The following ATP8B4 variants were observed in gnomAD, a reference collection of about 807,000 sequenced individuals.
ATP8B4 encodes the protein probable phospholipid-transporting ATPase IM.
In ATP8B4, 133 loss-of-function variants were observed where a neutral mutation model predicts 145.6. The ratio of observed to expected loss-of-function variants is 0.91; its 90% CI spans 0.79 to 1.05. ATP8B4 has a LOEUF of 1.05. Among genes scored for constraint, ATP8B4 ranks in the 50% least tolerant of loss-of-function variants. The probability of loss-of-function intolerance (pLI) is 0.00; values close to 1 mark genes in which losing one functional copy is unlikely to be tolerated. For missense variants in ATP8B4, 1,458 were observed against 1,425.2 expected (o/e 1.02, Z -0.37); for synonymous variants, 507 against 492.9 (o/e 1.03, Z -0.38).
At chr15:49,950,097 T>C (rs2042932713) in intron 14 of ATP8B4, among the ~76,000 whole-genome samples, 1 of 152,236 alleles carries the variant, frequency 6.6e-6, no homozygotes, top group Non-Finnish European at 1.5e-5. Flanking sequence ...TCGATATTCA[T>C]CAGGGATATT....
At position 50,138,779 on chromosome 15, in the gene ATP8B4, A is replaced by G. The variant is rs115244231; in HGVS notation, c.-42-31771T>C. Among the ~76,000 whole-genome samples the G allele has an allele frequency of 3.4e-3, 524 of 152,278 alleles. 1 individual carries two copies. Among genetic ancestry groups the G allele is most frequent in the African/African-American group, 0.012 (502 of 41,554 alleles). On this transcript the variant is annotated intron_variant, in intron 1 of 3. Transcript: ENST00000558829. ...CTTTTTCTCCCTTTATTGTTCTCTT[A>G]TACCCATACAACCGCCACTTTCTCC...
At chr15:50,174,971 A>C (rs1169159038) in intron 1 of ATP8B4, among the ~76,000 whole-genome samples, 2 of 152,212 alleles carry the variant, frequency 1.3e-5, no homozygotes, top group African/African-American at 2.4e-5. Flanking sequence ...AACAGAATAG[A>C]TAACCCAGAA....
intron 19 of ATP8B4, among the ~76,000 whole-genome samples, 158 bp downstream of exon 19, chr15:49,918,681 C>A (rs965779223): frequency 6.6e-5 from 10 of 152,182 alleles, no homozygotes; most frequent in Non-Finnish European, 1.2e-4. Flanking sequence ...AAAATAGATT[C>A]TTGCAATACA....
chr15:49,919,155 A>T (rs2040020704), intron 18 of ATP8B4, among the ~76,000 whole-genome samples: 1 of 152,242 alleles, frequency 6.6e-6, no homozygotes, highest in South Asian at 2.1e-4. Context: ...AAGCCAACTT[A>T]GCAGAGATCT....
In ATP8B4 at chr15:49,879,525, G is replaced by T. The variant is rs1305316065; in HGVS notation, c.2698-66C>A. On this transcript the variant is annotated intron_variant, in intron 23 of 27. Coordinates refer to ENST00000284509, the MANE Select transcript of ATP8B4 (RefSeq NM_024837.4). ...TAGTAGTGAGAATATTCACATTTAG[G>T]TTAAATAACCAGGTTTTCTGAGGTG... The T allele has an allele frequency of 2.8e-6, 4 of 1,405,280 alleles. No individual in the cohort carries two copies. In the South Asian group the frequency reaches 3.9e-5, roughly 14 times the overall value. The allele number at this position is 1,405,280 out of a possible 1,614,324, so 87.1% of individuals were successfully genotyped here.
At chr15:50,155,686 G>A (rs1008104204) in intron 1 of ATP8B4, among the ~76,000 whole-genome samples, 11 of 152,042 alleles carry the variant, frequency 7.2e-5, no homozygotes, top group African/African-American at 1.9e-4. Context: ...AACATACAAC[G>A]TAATGTATGT....
In ATP8B4 at chr15:49,979,944, TTAA is replaced by T. The variant is rs1304213757; in HGVS notation, c.838-134_838-132del. The T allele has an allele frequency of 8.9e-6, 5 of 561,972 alleles. 1 individual carries two copies. The Middle Eastern group carries it at 1.3e-3, about 147-fold the overall frequency. 34.8% of individuals were successfully genotyped at this position (561,972 alleles called of 1,614,324 possible). ...CAAGTATGCAAACCTCTTCTTACCA[TTAA>T]TCATATGAATTACGTCAGGAACTCA... On this transcript the variant is annotated intron_variant, in intron 11 of 27. Coordinates refer to ENST00000284509, the MANE Select transcript of ATP8B4 (RefSeq NM_024837.4).
At chr15:50,126,153 A>G (rs2057305706) in intron 1 of ATP8B4, among the ~76,000 whole-genome samples, 1 of 151,858 alleles carries the variant, frequency 6.6e-6, no homozygotes, top group South Asian at 2.1e-4. Context: ...GTGTCACGGG[A>G]AACCCTCAGA....
At chr15:50,060,415 A>C (rs1279812234) in intron 3 of ATP8B4, among the ~76,000 whole-genome samples, 1 of 152,172 alleles carries the variant, frequency 6.6e-6, no homozygotes, top group East Asian at 1.9e-4. Context: ...TTTTCCCAAG[A>C]GATATTTAGA....
intron 3 of ATP8B4, among the ~76,000 whole-genome samples, chr15:50,066,802 GT>G (rs917979215): frequency 6.6e-6 from 1 of 151,952 alleles, no homozygotes; most frequent in African/African-American, 2.4e-5. Flanking sequence ...AGTTTGTGGG[GT>G]TTTTTTCTGC....
At chr15:50,112,766 T>C (rs1474133176) in intron 1 of ATP8B4, among the ~76,000 whole-genome samples, 1 of 151,964 alleles carries the variant, frequency 6.6e-6, no homozygotes. Flanking sequence ...TAAAAGTGTG[T>C]TCCCTCCATC....
At chr15:50,143,119 A>T (rs1420259798) in intron 1 of ATP8B4, among the ~76,000 whole-genome samples, 1 of 152,222 alleles carries the variant, frequency 6.6e-6, no homozygotes, top group East Asian at 1.9e-4. Flanking sequence ...ATTGAAGAGC[A>T]AGTAATTCTA....
At chr15:50,118,013 G>C (rs1462001722) in intron 1 of ATP8B4, among the ~76,000 whole-genome samples, 1 of 152,198 alleles carries the variant, frequency 6.6e-6, no homozygotes, top group African/African-American at 2.4e-5. Context: ...GGAAGAGGAA[G>C]AAGGGGGTGA....
intron 20 of ATP8B4, among the ~76,000 whole-genome samples, chr15:49,908,382 G>C (rs144610012): frequency 1.3e-5 from 2 of 152,162 alleles, no homozygotes; most frequent in African/African-American, 4.8e-5. Context: ...GTTCAAGAGA[G>C]AAGTGACAGG....
rs180734578 is a variant in ATP8B4, at chr15:49,943,583, A to T, written c.1288-9401T>A. Among the ~76,000 whole-genome samples, 99 of 152,308 alleles carry T rather than the reference A, an allele frequency of 6.5e-4. 1 individual carries two copies. Among genetic ancestry groups the T allele is most frequent in the African/African-American group, 2.3e-3 (97 of 41,576 alleles). On this transcript the variant is annotated intron_variant, in intron 14 of 27. Transcript: ENST00000284509. ...GGGACAATATTTTCAAAGGACTGAA[A>T]AAAACATCTGCCAACAAAGAATAAC...
intron 7 of ATP8B4, among the ~76,000 whole-genome samples, chr15:50,003,675 C>T (rs2048085908): frequency 6.6e-6 from 1 of 152,170 alleles, no homozygotes; most frequent in African/African-American, 2.4e-5. Context: ...CACCTCTCCT[C>T]CCCTGGGCTT....
At chr15:49,860,613 TAAG>T in intron 27 of ATP8B4, 138 bp from the exon 28 acceptor site, 1 of 1,059,954 alleles carries the variant, frequency 9.4e-7, no homozygotes, top group Non-Finnish European at 1.3e-6. Context: ...ATCTAAAAAC[TAAG>T]AAATTTTCCA....
chr15:50,042,142 G>C (rs1317997671), intron 5 of ATP8B4, among the ~76,000 whole-genome samples: 4 of 145,730 alleles, frequency 2.7e-5, no homozygotes, highest in Non-Finnish European at 4.5e-5. Flanking sequence ...GTGACAGAGT[G>C]AGACTCTGTC....
intron 10 of ATP8B4, among the ~76,000 whole-genome samples, chr15:49,985,397 A>T (rs1157930092): frequency 1.3e-5 from 2 of 152,146 alleles, no homozygotes; most frequent in Non-Finnish European, 2.9e-5. Context: ...CGCCCAGCAG[A>T]TATTTTTCAT....
Sources: gnomAD v4.1 joint callset for allele counts (sites outside exome capture counted in the v4.1 genomes callset) on GRCh38, gnomAD v4.1.1 for gene constraint, MANE v1.5 for transcripts, NCBI Gene and HGNC (gene_info 2026-07-23, HGNC 2026-07-21) for gene names.